ABHD17C: variants seen among roughly 807,000 people sequenced by gnomAD.
ABHD17C encodes abhydrolase domain containing 17C, depalmitoylase.
Under a neutral mutation model 27.9 loss-of-function variants are expected in ABHD17C, and 11 were observed. The ratio of observed to expected loss-of-function variants is 0.39; its 90% CI spans 0.25 to 0.65. The LOEUF (loss-of-function observed/expected upper bound fraction) is 0.65, where lower values mean the gene tolerates loss of function less well. ABHD17C is among the 30% of genes least tolerant of loss of function. ABHD17C has a pLI of 0.45. For missense variants in ABHD17C, 280 were observed against 470.2 expected (o/e 0.60, Z 3.74); for synonymous variants, 233 against 209.1 (o/e 1.11, Z -0.98).
chr15:80,707,183 CATATTCTTATAT>C (rs776821177), intron 1 of ABHD17C, among the ~76,000 whole-genome samples: 6 of 152,148 alleles, frequency 3.9e-5, no homozygotes, highest in Non-Finnish European at 7.3e-5. Flanking sequence ...CAATGGGGTG[CATATTCTTATAT>C]ATCTACTTCT....
intron 1 of ABHD17C, among the ~76,000 whole-genome samples, chr15:80,726,598 G>GC (rs149056442): frequency 0.32 from 44,991 of 140,788 alleles, 8,813 homozygotes; most frequent in East Asian, 0.64. Flanking sequence ...TGCAAGCTCC[G>GC]CCCCCCCGCG....
At chr15:80,743,900 T>A (rs1895247142) in intron 1 of ABHD17C, among the ~76,000 whole-genome samples, 1 of 152,246 alleles carries the variant, frequency 6.6e-6, no homozygotes, top group African/African-American at 2.4e-5. Context: ...GTCGCCTATA[T>A]TGTTTCTGGC....
At chr15:80,711,021 G>T (rs1049378151) in intron 1 of ABHD17C, among the ~76,000 whole-genome samples, 2 of 152,178 alleles carry the variant, frequency 1.3e-5, no homozygotes, top group Admixed American at 1.3e-4. Context: ...TAAGTCTAGA[G>T]TTCAGGAGTG....
At chr15:80,705,343 G>GTGTGTGTGTGTGTGTA (rs1894632076) in intron 1 of ABHD17C, among the ~76,000 whole-genome samples, 1 of 149,768 alleles carries the variant, frequency 6.7e-6, no homozygotes, top group African/African-American at 2.5e-5. Flanking sequence ...TTGTGTGTGT[G>GTGTGTGTGTGTGTGTA]TGTGTGTGTG....
intron 1 of ABHD17C, among the ~76,000 whole-genome samples, chr15:80,741,220 G>C (rs769215277): frequency 4.0e-5 from 6 of 151,734 alleles, no homozygotes; most frequent in Non-Finnish European, 8.8e-5. Flanking sequence ...GTCCTCTAAA[G>C]GTTTCATGTC....
intron 1 of ABHD17C, among the ~76,000 whole-genome samples, chr15:80,728,917 A>G (rs1895019471): frequency 6.6e-6 from 1 of 152,192 alleles, no homozygotes; most frequent in South Asian, 2.1e-4. Flanking sequence ...GGCCTAAAGC[A>G]CAGATTTTCT....
At chr15:80,701,120 G>A (rs1333873284) in intron 1 of ABHD17C, among the ~76,000 whole-genome samples, 1 of 152,106 alleles carries the variant, frequency 6.6e-6, no homozygotes, top group Admixed American at 6.5e-5. Context: ...ATCCATAATT[G>A]GAAAATCCAT....
intron 1 of ABHD17C, among the ~76,000 whole-genome samples, chr15:80,726,896 G>A (rs1894988257): frequency 6.6e-6 from 1 of 152,142 alleles, no homozygotes; most frequent in South Asian, 2.1e-4. Context: ...TGATTCTTAA[G>A]TTGATCCCTT....
intron 1 of ABHD17C, among the ~76,000 whole-genome samples, chr15:80,733,825 T>G (rs1018338431): frequency 6.6e-6 from 1 of 152,160 alleles, no homozygotes; most frequent in Admixed American, 6.5e-5. Flanking sequence ...CTAAGAAATA[T>G]TTTTCAGCCT....
intron 1 of ABHD17C, among the ~76,000 whole-genome samples, chr15:80,727,296 A>G (rs1894995052): frequency 6.6e-6 from 1 of 152,158 alleles, no homozygotes; most frequent in South Asian, 2.1e-4. Flanking sequence ...GCCAGTGGAG[A>G]GGGCGTGTTA....
At chr15:80,738,394 G>A (rs746095922) in intron 1 of ABHD17C, among the ~76,000 whole-genome samples, 22 of 152,172 alleles carry the variant, frequency 1.4e-4, no homozygotes, top group South Asian at 2.1e-4. Flanking sequence ...GCAAGAGTAA[G>A]GTTTCCAGAA....
intron 1 of ABHD17C, among the ~76,000 whole-genome samples, chr15:80,740,056 A>T (rs1352131089): frequency 6.6e-6 from 1 of 151,858 alleles, no homozygotes. Context: ...TTCTTGCCCT[A>T]CCCTTTCCAC....
chr15:80,708,863 A>G (rs1463388944), intron 1 of ABHD17C, among the ~76,000 whole-genome samples: 6 of 152,196 alleles, frequency 3.9e-5, no homozygotes, highest in Admixed American at 3.3e-4. Context: ...CTCTGAGAGA[A>G]TAGTTGTGGA....
chr15:80,750,394 T>C (rs182090945), intron 2 of ABHD17C, among the ~76,000 whole-genome samples: 174 of 152,288 alleles, frequency 1.1e-3, no homozygotes, highest in Admixed American at 2.2e-3. Context: ...TTGCCCCTTA[T>C]GCTTTTCCCA....
chr15:80,730,897 G>A (rs569414231), intron 1 of ABHD17C, among the ~76,000 whole-genome samples: 3 of 152,306 alleles, frequency 2.0e-5, no homozygotes, highest in South Asian at 2.1e-4. Context: ...CATGGTGCTC[G>A]ATGTTTTTAG....
intron 1 of ABHD17C, among the ~76,000 whole-genome samples, chr15:80,703,867 C>A (rs754879841): frequency 6.6e-6 from 1 of 152,144 alleles, no homozygotes; most frequent in African/African-American, 2.4e-5. Context: ...TTGGAGAGTA[C>A]CAAATCTGGT....
intron 1 of ABHD17C, among the ~76,000 whole-genome samples, chr15:80,699,327 G>A (rs1438059515): frequency 1.3e-5 from 2 of 152,082 alleles, no homozygotes; most frequent in South Asian, 2.1e-4. Flanking sequence ...TAAATAAGTG[G>A]GGTAAAGTTA....
intron 1 of ABHD17C, among the ~76,000 whole-genome samples, chr15:80,701,445 G>C (rs149380583): frequency 0.08 from 12,144 of 152,074 alleles, 684 homozygotes; most frequent in South Asian, 0.16. Context: ...TTGGGAGGCT[G>C]AGACGGGCGG....
intron 1 of ABHD17C, among the ~76,000 whole-genome samples, chr15:80,727,216 G>A (rs1894993413): frequency 1.3e-5 from 2 of 152,184 alleles, no homozygotes; most frequent in Admixed American, 1.3e-4. Context: ...CTCCCACATG[G>A]TGAGAGATCT....
Sources: gnomAD v4.1 joint callset for allele counts (sites outside exome capture counted in the v4.1 genomes callset) on GRCh38, gnomAD v4.1.1 for gene constraint, MANE v1.5 for transcripts, NCBI Gene and HGNC (gene_info 2026-07-23, HGNC 2026-07-21) for gene names.